ACOT8: variants seen among roughly 807,000 people sequenced by gnomAD.
ACOT8 encodes the protein acyl-CoA thioesterase 8.
Under a neutral mutation model 38.4 loss-of-function variants are expected in ACOT8, and 31 were observed. The observed-to-expected ratio is 0.81, with a 90% CI of 0.61 to 1.09. The LOEUF (loss-of-function observed/expected upper bound fraction) is 1.09. ACOT8 is among the 50% of genes least tolerant of loss of function. The pLI, the probability that ACOT8 is intolerant of heterozygous loss-of-function variation, is 0.00. For missense variants in ACOT8, 373 were observed against 421.8 expected (o/e 0.88, Z 1.01); for synonymous variants, 158 against 170.3 (o/e 0.93, Z 0.56).
chr20:45,842,667 C>T, intron 5 of ACOT8: 1 of 989,686 alleles, frequency 1.0e-6, no homozygotes, highest in Non-Finnish European at 1.2e-6. Flanking sequence ...ACTCAGTTCT[C>T]ACAGTAGCCA....
At chr20:45,842,397 G>A (rs912726384) in intron 5 of ACOT8, 3 of 1,237,562 alleles carry the variant, frequency 2.4e-6, no homozygotes, top group Admixed American at 8.0e-5. Flanking sequence ...CAGAACTGCT[G>A]TACCTCTGAC....
At chr20:45,855,804 G>GTGTACAGATGAGT (rs1985378663) in intron 1 of ACOT8, among the ~76,000 whole-genome samples, 1 of 152,088 alleles carries the variant, frequency 6.6e-6, no homozygotes, top group Admixed American at 6.5e-5. Context: ...AGAGCCCTCA[G>GTGTACAGATGAGT]ACATCAAGTC....
At chr20:45,846,500 T>C (rs958037871) in intron 3 of ACOT8, among the ~76,000 whole-genome samples, 3 of 152,190 alleles carry the variant, frequency 2.0e-5, no homozygotes, top group Non-Finnish European at 4.4e-5. Context: ...AAATCTAGAA[T>C]TGAATCCAGG....
At chr20:45,851,965 T>G (rs1985090559) in intron 2 of ACOT8, among the ~76,000 whole-genome samples, 1 of 152,170 alleles carries the variant, frequency 6.6e-6, no homozygotes, top group Admixed American at 6.6e-5. Flanking sequence ...ATCTTTTATT[T>G]TTAAAATGTA....
chr20:45,852,799 C>T (rs756830697), intron 2 of ACOT8, among the ~76,000 whole-genome samples: 26 of 151,922 alleles, frequency 1.7e-4, no homozygotes, highest in Non-Finnish European at 3.2e-4. Context: ...ACAAGAGTCT[C>T]GCTCTGTCGC....
chr20:45,855,515 G>A (rs1288129510), intron 1 of ACOT8, among the ~76,000 whole-genome samples: 1 of 152,076 alleles, frequency 6.6e-6, no homozygotes, highest in African/African-American at 2.4e-5. Context: ...CACTTTGGGA[G>A]GCCGAGGCAG....
intron 3 of ACOT8, among the ~76,000 whole-genome samples, chr20:45,845,885 T>C (rs1193960669): frequency 6.6e-6 from 1 of 150,420 alleles, no homozygotes; most frequent in Non-Finnish European, 1.5e-5. Context: ...CAGTCAGGAG[T>C]GCAGTGACTC....
At position 45,841,740 on chromosome 20, in the gene ACOT8, T is replaced by C; in HGVS notation, c.*98A>G. On this transcript the variant is annotated 3_prime_UTR_variant, in exon 6 of 6. Transcript: ENST00000217455. ...AGCCACTCCAGTGGTATCAGTCTCT[T>C]TATTGGATGTGAGGGCCAAAAGGGA... The C allele has an allele frequency of 2.8e-6, 4 of 1,447,844 alleles. No individual in the cohort carries two copies. The South Asian group carries it at 5.9e-5, about 21-fold the overall frequency. 89.7% of individuals were successfully genotyped at this position (1,447,844 alleles called of 1,614,324 possible).
chr20:45,843,670 T>A lies in ACOT8; in HGVS notation c.698A>T (p.Tyr233Phe). 2.5e-6 allele frequency: 4 copies of A among 1,612,396 alleles called. No individual in the cohort carries two copies. The highest frequency in any genetic ancestry group is 3.4e-6 in the Non-Finnish European group (4 of 1,178,626). ...CAGCAGTGCAGTGCCCAAGAAGGCA[T>A]AGTCGGAGATATAGGCGGCCACGCA... ...HCCVAAYISD[Y>F]AFLGTALLPH... Residue 233 changes from tyrosine to phenylalanine, a missense_variant, in exon 5 of 6, where the codon TAT (tyrosine) becomes TTT (phenylalanine). Physicochemically the swap from Tyr to Phe is conservative, Grantham distance 22 (BLOSUM62 3). Transcript: ENST00000217455.
chr20:45,850,118 G>A (rs996761034), intron 2 of ACOT8, among the ~76,000 whole-genome samples: 9 of 152,208 alleles, frequency 5.9e-5, no homozygotes, highest in Non-Finnish European at 1.0e-4. Flanking sequence ...GCTGCAGCAG[G>A]AGAATTGCTT....
At chr20:45,850,744 C>T (rs1299496543) in intron 2 of ACOT8, among the ~76,000 whole-genome samples, 3 of 152,088 alleles carry the variant, frequency 2.0e-5, no homozygotes, top group South Asian at 2.1e-4. Flanking sequence ...TGCCTATAGT[C>T]CCAGCTAATC....
chr20:45,855,238 G>A lies in ACOT8; in HGVS notation c.183C>T (p.Gly61=). ...AKRLFGGQIV[G]QALVAAAKSV... ...ACTTGGCTGCAGCCACCAGGGCCTG[G>A]CCCACGATCTGACCACCAAACAGCC... Residue 61 remains glycine, a synonymous_variant, in exon 2 of 6, where the codon GGC becomes GGT. Coordinates refer to ENST00000217455, the MANE Select transcript of ACOT8 (RefSeq NM_005469.4). 1 of 1,614,142 alleles carries A rather than the reference G, an allele frequency of 6.2e-7. No individual in the cohort carries two copies. The highest frequency in any genetic ancestry group is 8.5e-7 in the Non-Finnish European group (1 of 1,180,028).
intron 2 of ACOT8, among the ~76,000 whole-genome samples, chr20:45,854,652 C>T (rs1477251236): frequency 6.6e-6 from 1 of 152,190 alleles, no homozygotes; most frequent in African/African-American, 2.4e-5. Flanking sequence ...GGTAACCTCA[C>T]AAGGCTGCAT....
At chr20:45,851,750 G>A (rs1246230086) in intron 2 of ACOT8, among the ~76,000 whole-genome samples, 1 of 152,114 alleles carries the variant, frequency 6.6e-6, no homozygotes, top group Non-Finnish European at 1.5e-5. Context: ...TGCTTTCACT[G>A]GCAAAACCTA....
chr20:45,857,365 GACAT>G lies in ACOT8; in HGVS notation c.-54_-51del. 3 of 1,549,918 alleles carry G rather than the reference GACAT, an allele frequency of 1.9e-6. No homozygotes were observed. Among genetic ancestry groups the G allele is most frequent in the Non-Finnish European group, 2.6e-6 (3 of 1,148,558 alleles). On this transcript the variant is annotated 5_prime_UTR_variant, in exon 1 of 6. The change abolishes an upstream ATG in the 5' untranslated region. Coordinates refer to ENST00000217455, the MANE Select transcript of ACOT8 (RefSeq NM_005469.4). ...ACACCCGCTCCGCGGAAGACGCGGAGACATACACAGAACCTGACTCTTCCGGCAG... is the reference window on the plus strand; with the variant it reads ...ACACCCGCTCCGCGGAAGACGCGGAGACACAGAACCTGACTCTTCCGGCAG...
At position 45,843,576 on chromosome 20, in the gene ACOT8, G is replaced by T. The variant is rs773702461; in HGVS notation, c.792C>A (p.Pro264=). 1.9e-6 allele frequency: 3 copies of T among 1,612,680 alleles called. No individual in the cohort carries two copies. The highest frequency in any genetic ancestry group is 2.5e-6 in the Non-Finnish European group (3 of 1,178,866). ...AGAGCATCCAGTGGTCAGCTCGGAA[G>T]GGGGCGTGGAACCACATGGAATGGT... ...SLDHSMWFHA[P]FRADHWMLYE... Residue 264 remains proline, a synonymous_variant, in exon 5 of 6, where the codon CCC becomes CCA. Transcript: ENST00000217455.
intron 5 of ACOT8, chr20:45,842,585 C>T: frequency 1.0e-6 from 1 of 994,280 alleles, no homozygotes; most frequent in Non-Finnish European, 1.2e-6. Flanking sequence ...CTCTTTCTCC[C>T]TTGCTGGCTT....
intron 3 of ACOT8, among the ~76,000 whole-genome samples, 177 bp downstream of exon 3, chr20:45,848,273 T>A (rs1348486928): frequency 6.6e-6 from 1 of 152,084 alleles, no homozygotes; most frequent in Non-Finnish European, 1.5e-5. Flanking sequence ...TGACTAAACC[T>A]CAAGTTTCAC....
At chr20:45,844,448 T>C (rs750527926) in intron 3 of ACOT8, 28 bp from the exon 4 acceptor site, 1 of 1,610,972 alleles carries the variant, frequency 6.2e-7, no homozygotes, top group Non-Finnish European at 8.5e-7. Flanking sequence ...AGGGTCGGGG[T>C]GAGACCCAGG....
Sources: gnomAD v4.1 joint callset for allele counts (sites outside exome capture counted in the v4.1 genomes callset) on GRCh38, gnomAD v4.1.1 for gene constraint, MANE v1.5 for transcripts, NCBI Gene and HGNC (gene_info 2026-07-23, HGNC 2026-07-21) for gene names.